ABHD10: variants seen among roughly 807,000 people sequenced by gnomAD.
ABHD10 encodes palmitoyl-protein thioesterase ABHD10, mitochondrial.
In ABHD10, 22 loss-of-function variants were observed where a neutral mutation model predicts 33.1. The ratio of observed to expected loss-of-function variants is 0.66; its 90% CI spans 0.47 to 0.95. ABHD10 has a LOEUF of 0.95. Ranked by LOEUF, ABHD10 falls within the 40% of genes least tolerant of loss-of-function variation. The pLI is 0.00. For synonymous variants in ABHD10, 146 were observed against 133.9 expected (o/e 1.09, Z -0.62); for missense variants, 352 against 379.9 (o/e 0.93, Z 0.61).
In ABHD10 at chr3:111,991,608, G is replaced by A. The variant is rs1328906207; in HGVS notation, c.808G>A (p.Asp270Asn). ...CGATCGAGTACTCAGCACAGATGTGGATGTCATCCTCCGAAAACACAGTGA... is the reference window on the plus strand; with the variant it reads ...CGATCGAGTACTCAGCACAGATGTGAATGTCATCCTCCGAAAACACAGTGA... ...VADRVLSTDV[D>N]VILRKHSDHR... is the part of the protein sequence containing the mutation. The change falls in exon 5 of 5, where the codon GAT becomes AAT. Residue 270 changes from aspartate (D) to asparagine (N), a missense_variant. Physicochemically the swap from Asp to Asn is conservative, Grantham distance 23. Coordinates refer to ENST00000273359, the MANE Select transcript of ABHD10 (RefSeq NM_018394.4). 6.2e-7 allele frequency: 1 copy of A among 1,614,026 alleles called. No individual in the cohort carries two copies. Among genetic ancestry groups the A allele is most frequent in the East Asian group, 2.2e-5 (1 of 44,880 alleles).
intron 4 of ABHD10, 125 bp downstream of exon 4, chr3:111,987,176 C>A: frequency 9.3e-7 from 1 of 1,069,820 alleles, no homozygotes; most frequent in Non-Finnish European, 1.3e-6. Flanking sequence ...GCTGGCCCAA[C>A]TTTTGTCTTA....
At chr3:111,980,590 T>A (rs1442337688) in intron 1 of ABHD10, among the ~76,000 whole-genome samples, 1 of 152,222 alleles carries the variant, frequency 6.6e-6, no homozygotes. Flanking sequence ...AAAAAATATC[T>A]ACTTGTTTCT....
At chr3:111,991,269 C>T in intron 4 of ABHD10, 108 bp from the exon 5 acceptor site, 1 of 891,654 alleles carries the variant, frequency 1.1e-6, no homozygotes, top group Non-Finnish European at 1.7e-6. Context: ...TTTGTTATCT[C>T]TATCCTCTTA....
chr3:111,988,841 T>C (rs1333942633), intron 4 of ABHD10, among the ~76,000 whole-genome samples: 1 of 152,144 alleles, frequency 6.6e-6, no homozygotes, highest in African/African-American at 2.4e-5. Flanking sequence ...TCTCCTGCCT[T>C]GGACCCCCAA....
intron 1 of ABHD10, among the ~76,000 whole-genome samples, chr3:111,980,522 A>T (rs1462203077): frequency 6.6e-6 from 1 of 152,196 alleles, no homozygotes; most frequent in African/African-American, 2.4e-5. Context: ...GACTCTAAGG[A>T]AGTACACAAA....
chr3:111,979,802 T>C (rs1176305854), intron 1 of ABHD10, among the ~76,000 whole-genome samples: 8 of 152,268 alleles, frequency 5.3e-5, no homozygotes, highest in African/African-American at 9.6e-5. Context: ...TTTTTTTGGC[T>C]TTGTGTGTGG....
At position 111,981,787 on chromosome 3, in the gene ABHD10, G is replaced by A; in HGVS notation, c.146G>A (p.Cys49Tyr). Residue 49 changes from cysteine (C) to tyrosine (Y), a missense_variant, in exon 2 of 5, where the codon TGT becomes TAT. Physicochemically the swap from Cys to Tyr is radical, Grantham distance 194. Coordinates refer to ENST00000273359, the MANE Select transcript of ABHD10 (RefSeq NM_018394.4). ...ACTTTTTGTGTACTTTGTTTAGCTT[G>A]TAGACAAAAGACGTCACTCTCATTC... ...PQRAPRWLPACRQKTSLSFLN... is the reference protein window; with the variant it reads ...PQRAPRWLPAYRQKTSLSFLN... The A allele has an allele frequency of 4.5e-6, 7 of 1,546,436 alleles. No individual in the cohort carries two copies. The highest frequency in any genetic ancestry group is 6.2e-6 in the Non-Finnish European group (7 of 1,133,732).
rs1468826824 is a variant in ABHD10, at chr3:111,979,057, C to A, written c.-5C>A. The stretch of plus-strand genomic sequence containing the variant: ...ACACTGCAGGGTGCGGGGACAACTA[C>A]GAAGATGGCGGTTGCGCGCTTGGCA... On this transcript the variant is annotated 5_prime_UTR_variant, in exon 1 of 5. Transcript: ENST00000273359. 6.2e-7 allele frequency: 1 copy of A among 1,612,392 alleles called. No homozygotes were observed. Among genetic ancestry groups the A allele is most frequent in the Non-Finnish European group, 8.5e-7 (1 of 1,179,218 alleles).
Position 111,991,590 on chromosome 3 carries a change from G to A in ABHD10, c.790G>A (p.Val264Ile), listed in dbSNP as rs2072740143. 3 of 1,614,002 alleles carry A rather than the reference G, an allele frequency of 1.9e-6. No individual in the cohort carries two copies. The African/African-American group carries it at 4.0e-5, about 22-fold the overall frequency. Residue 264 changes from valine to isoleucine, a missense_variant, in exon 5 of 5, where the codon GTA becomes ATA. Transcript: ENST00000273359. The stretch of plus-strand genomic sequence containing the variant: ...TACATCAATGCAGGTTGCCGATCGA[G>A]TACTCAGCACAGATGTGGATGTCAT... The part of the protein sequence containing the change: ...WHTSMQVADR[V>I]LSTDVDVILR...
At chr3:111,984,883 A>C (rs1170436325) in intron 2 of ABHD10, among the ~76,000 whole-genome samples, 1 of 152,232 alleles carries the variant, frequency 6.6e-6, no homozygotes, top group African/African-American at 2.4e-5. Flanking sequence ...ACATAAGAAG[A>C]AATGAGAAAG....
chr3:111,983,384 A>G (rs926109927), intron 2 of ABHD10, among the ~76,000 whole-genome samples: 20 of 152,296 alleles, frequency 1.3e-4, no homozygotes, highest in Admixed American at 8.5e-4. Flanking sequence ...CTAAAATTTC[A>G]GCTTTGAGAC....
At position 111,981,797 on chromosome 3, in the gene ABHD10, G is replaced by A. The variant is rs1221760845; in HGVS notation, c.156G>A (p.Lys52=). 5 of 1,555,756 alleles carry A rather than the reference G, an allele frequency of 3.2e-6. No homozygotes were observed. The highest frequency in any genetic ancestry group is 4.4e-6 in the Non-Finnish European group (5 of 1,139,396). Residue 52 remains lysine, a synonymous_variant, in exon 2 of 5, where the codon AAG becomes AAA. Coordinates refer to ENST00000273359, the MANE Select transcript of ABHD10 (RefSeq NM_018394.4). ...APRWLPACRQ[K]TSLSFLNRPD... is the part of the protein sequence containing the mutation. ...TACTTTGTTTAGCTTGTAGACAAAA[G>A]ACGTCACTCTCATTCCTTAATCGAC...
Position 111,992,527 on chromosome 3 carries a change from A to G in ABHD10, c.*806A>G, listed in dbSNP as rs528795522. On this transcript the variant is annotated 3_prime_UTR_variant, in exon 5 of 5. Transcript: ENST00000273359. ...TAGGCAAGTGATTGCCACCTAAATCAGAAGACGTTCTAAAGTCAGTAAGAA... is the reference window on the plus strand; with the variant it reads ...TAGGCAAGTGATTGCCACCTAAATCGGAAGACGTTCTAAAGTCAGTAAGAA... 1 of 152,262 alleles carries G rather than the reference A, an allele frequency of 6.6e-6. No individual in the cohort carries two copies. Among genetic ancestry groups the G allele is most frequent in the East Asian group, 1.9e-4 (1 of 5,186 alleles). 9.4% of individuals were successfully genotyped at this position (152,262 alleles called of 1,614,324 possible). A position where few individuals can be genotyped will look rare whatever the true frequency, so the allele number is the denominator to read the frequency against.
chr3:111,986,400 A>G (rs1261501764), intron 3 of ABHD10, 25 bp downstream of exon 3: 1 of 1,487,294 alleles, frequency 6.7e-7, no homozygotes, highest in South Asian at 1.2e-5. Context: ...AAGTATGATG[A>G]TAATTACTGT....
At chr3:111,980,578 TA>T (rs1185754451) in intron 1 of ABHD10, among the ~76,000 whole-genome samples, 6 of 152,144 alleles carry the variant, frequency 3.9e-5, no homozygotes, top group Admixed American at 2.0e-4. Flanking sequence ...ATGACTCTTT[TA>T]AAAAAATATC....
In ABHD10 at chr3:111,991,503, A is replaced by G. The variant is rs137935982; in HGVS notation, c.703A>G (p.Ile235Val). 138 of 1,614,116 alleles carry G rather than the reference A, an allele frequency of 8.5e-5. No homozygotes were observed. The African/African-American group carries it at 1.6e-3, about 19-fold the overall frequency. Residue 235 changes from isoleucine to valine, a missense_variant, in exon 5 of 5, where the codon ATT becomes GTT. By Grantham distance (29) the Ile-to-Val change is conservative (BLOSUM62 3). Transcript: ENST00000273359. ...ACATCACTGCTTGTTACATAGCCCA[A>G]TTCCTGTGAACTGCCCCATAAGATT... is the stretch of plus-strand genomic sequence containing the variant. ...AEHHCLLHSP[I>V]PVNCPIRLLH...
chr3:111,979,250 C>G, intron 1 of ABHD10, 47 bp downstream of exon 1: 3 of 1,551,584 alleles, frequency 1.9e-6, no homozygotes, highest in Non-Finnish European at 2.6e-6. Context: ...TCGAACGCCT[C>G]GGGTTCCGTC....
Position 111,981,807 on chromosome 3 carries a change from T to G in ABHD10, c.166T>G (p.Ser56Ala). The G allele has an allele frequency of 6.3e-7, 1 of 1,579,072 alleles. No homozygotes were observed. The highest frequency in any genetic ancestry group is 8.7e-7 in the Non-Finnish European group (1 of 1,154,776). The change falls in exon 2 of 5, where the codon TCA becomes GCA. Residue 56 changes from serine to alanine, a missense_variant. Coordinates refer to ENST00000273359, the MANE Select transcript of ABHD10 (RefSeq NM_018394.4). ...LPACRQKTSL[S>A]FLNRPDLPNL... ...AGCTTGTAGACAAAAGACGTCACTC[T>G]CATTCCTTAATCGACCAGACCTTCC... is the stretch of plus-strand genomic sequence containing the variant.
At chr3:111,986,204 A>G in intron 2 of ABHD10, 60 bp from the exon 3 acceptor site, 1 of 939,718 alleles carries the variant, frequency 1.1e-6, no homozygotes, top group Non-Finnish European at 1.6e-6. Flanking sequence ...TATCTTTCTT[A>G]AAAATTAAAG....
Sources: gnomAD v4.1 joint callset for allele counts (sites outside exome capture counted in the v4.1 genomes callset) on GRCh38, gnomAD v4.1.1 for gene constraint, MANE v1.5 for transcripts, NCBI Gene and HGNC (gene_info 2026-07-23, HGNC 2026-07-21) for gene names.